DAB1: variants seen among roughly 807,000 people sequenced by gnomAD.
The protein encoded by DAB1 is DAB adaptor protein 1.
Under a neutral mutation model 64.6 loss-of-function variants are expected in DAB1, and 15 were observed. The observed-to-expected ratio is 0.23, with a 90% CI of 0.16 to 0.36. DAB1 has a LOEUF of 0.36. DAB1 is among the 10% of genes least tolerant of loss of function. DAB1 has a pLI of 1.00. For missense variants in DAB1, 596 were observed against 706.7 expected, an observed-to-expected ratio of 0.84 and a Z score of 1.78; for synonymous variants, 235 against 251.9, an observed-to-expected ratio of 0.93 and a Z score of 0.64.
intron 4 of DAB1, among the ~76,000 whole-genome samples, chr1:57,101,696 T>C (rs984739442): frequency 1.3e-5 from 2 of 152,332 alleles, no homozygotes; most frequent in Middle Eastern, 3.4e-3. Flanking sequence ...ATTGGTCTTC[T>C]ACTCTACACC....
At chr1:57,021,226 C>A (rs1390865447) in intron 11 of DAB1, among the ~76,000 whole-genome samples, 1 of 152,168 alleles carries the variant, frequency 6.6e-6, no homozygotes, top group African/African-American at 2.4e-5. Flanking sequence ...GAAAGGAAAT[C>A]TGGATATGTG....
chr1:57,908,716 AG>A (rs1644595466), intron 5 of DAB1, among the ~76,000 whole-genome samples: 1 of 152,098 alleles, frequency 6.6e-6, no homozygotes, highest in South Asian at 2.1e-4. Flanking sequence ...CCTCATAACC[AG>A]GGTCTGTTCT....
upstream of DAB1, among the ~76,000 whole-genome samples, chr1:57,885,554 T>C (rs1189291878): frequency 6.6e-6 from 1 of 152,208 alleles, no homozygotes; most frequent in African/African-American, 2.4e-5. Flanking sequence ...ACACAGGCTA[T>C]TAACTGGGGA....
At chr1:57,643,362 T>G (rs1484615372) in intron 7 of DAB1, among the ~76,000 whole-genome samples, 1 of 152,210 alleles carries the variant, frequency 6.6e-6, no homozygotes, top group African/African-American at 2.4e-5. Context: ...ATTTCATCAC[T>G]TGGCTGTGTT....
intron 2 of DAB1, among the ~76,000 whole-genome samples, chr1:57,178,521 G>C (rs1201409118): frequency 6.6e-6 from 1 of 152,156 alleles, no homozygotes; most frequent in East Asian, 1.9e-4. Flanking sequence ...CATGAAATTT[G>C]AAATCTGATT....
chr1:57,134,796 C>CA (rs1657942770), intron 4 of DAB1, among the ~76,000 whole-genome samples: 1 of 152,168 alleles, frequency 6.6e-6, no homozygotes, highest in African/African-American at 2.4e-5. Flanking sequence ...CTGCCTCTGT[C>CA]ACCCCTTACT....
intron 3 of DAB1, among the ~76,000 whole-genome samples, chr1:58,491,507 A>G (rs1645689670): frequency 1.3e-5 from 2 of 152,210 alleles, no homozygotes; most frequent in Non-Finnish European, 1.5e-5. Flanking sequence ...AGTGTGCTGT[A>G]TTCAGGAAAC....
intron 1 of DAB1, chr1:58,536,843 T>C: frequency 1.5e-6 from 1 of 689,376 alleles, no homozygotes. Flanking sequence ...AATACCTGAA[T>C]TTGTATGATG....
intron 1 of DAB1, among the ~76,000 whole-genome samples, chr1:57,348,340 A>G (rs375247532): frequency 5.0e-4 from 76 of 152,318 alleles, no homozygotes; most frequent in African/African-American, 1.8e-3. Context: ...GGGAGGGCCA[A>G]AAGAGAGAGG....
chr1:58,515,781 G>A (rs1424051493), intron 2 of DAB1, among the ~76,000 whole-genome samples: 1 of 152,104 alleles, frequency 6.6e-6, no homozygotes, highest in Non-Finnish European at 1.5e-5. Context: ...TACTAACTAG[G>A]TATAGGTTAT....
chr1:58,412,730 C>T (rs999379113), intron 3 of DAB1, among the ~76,000 whole-genome samples: 3 of 152,130 alleles, frequency 2.0e-5, no homozygotes, highest in African/African-American at 7.2e-5. Flanking sequence ...CTATAGAAAA[C>T]AAGAAAAGGA....
At chr1:58,361,863 C>CTTTT (rs34029239) in intron 3 of DAB1, among the ~76,000 whole-genome samples, 2,617 of 84,018 alleles carry the variant, frequency 0.031, 181 homozygotes, top group Admixed American at 0.12. Flanking sequence ...AAAGATCCCC[C>CTTTT]TTTTTTTTTT....
chr1:58,174,778 G>A (rs550213601), intron 4 of DAB1, among the ~76,000 whole-genome samples: 1 of 152,124 alleles, frequency 6.6e-6, no homozygotes, highest in East Asian at 1.9e-4. Flanking sequence ...TCAGCACTCT[G>A]CAAAAATGCA....
intron 3 of DAB1, among the ~76,000 whole-genome samples, chr1:58,433,566 TAAGA>T (rs1284296014): frequency 3.4e-5 from 4 of 118,654 alleles, no homozygotes; most frequent in African/African-American, 1.5e-4. Context: ...AGTCCATGCA[TAAGA>T]GAGAGAGAGA....
At chr1:57,834,158 C>T (rs1009687202) in intron 1 of DAB1, among the ~76,000 whole-genome samples, 5 of 152,130 alleles carry the variant, frequency 3.3e-5, no homozygotes, top group Non-Finnish European at 7.4e-5. Context: ...CTGTAATAGT[C>T]ATGCAGTGAT....
At chr1:58,258,078 T>G (rs1255612137) in intron 4 of DAB1, among the ~76,000 whole-genome samples, 1 of 152,206 alleles carries the variant, frequency 6.6e-6, no homozygotes, top group East Asian at 1.9e-4. Context: ...CACATATGCA[T>G]TCAAGGATAA....
chr1:58,002,667 G>GTATA (rs138608788), intron 5 of DAB1, among the ~76,000 whole-genome samples: 2 of 148,612 alleles, frequency 1.3e-5, no homozygotes, highest in Non-Finnish European at 3.0e-5. Flanking sequence ...AACACAAGGT[G>GTATA]TATATATATA....
chr1:57,591,848 C>G (rs1279378450), intron 7 of DAB1, among the ~76,000 whole-genome samples: 5 of 152,156 alleles, frequency 3.3e-5, no homozygotes, highest in Non-Finnish European at 7.3e-5. Flanking sequence ...AGCAAAACCT[C>G]CAATGAGTAG....
At chr1:58,323,930 A>AT (rs1031001611) in intron 4 of DAB1, among the ~76,000 whole-genome samples, 1 of 151,904 alleles carries the variant, frequency 6.6e-6, no homozygotes, top group Non-Finnish European at 1.5e-5. Context: ...ATCTCAAAAA[A>AT]AAAAAAAAAA....
Sources: gnomAD v4.1 joint callset for allele counts (sites outside exome capture counted in the v4.1 genomes callset) on GRCh38, gnomAD v4.1.1 for gene constraint, MANE v1.5 for transcripts, NCBI Gene and HGNC (gene_info 2026-07-23, HGNC 2026-07-21) for gene names.